MMS22L: variants seen among roughly 807,000 people sequenced by gnomAD.
The protein encoded by MMS22L is MMS22 like, DNA repair protein, also known as protein MMS22-like.
In MMS22L, 74 loss-of-function variants were observed where a neutral mutation model predicts 159.1. That is an observed-to-expected ratio of 0.47 (90% CI 0.39 to 0.56). The LOEUF (loss-of-function observed/expected upper bound fraction) is 0.56. Ranked by LOEUF, MMS22L falls within the 20% of genes least tolerant of loss-of-function variation. MMS22L has a pLI of 0.00. For synonymous variants in MMS22L, 517 were observed against 506.9 expected (o/e 1.02, Z -0.27); for missense variants, 1,351 against 1,422.1 (o/e 0.95, Z 0.80).
chr6:97,198,354 T>C (rs940664814), intron 14 of MMS22L, among the ~76,000 whole-genome samples: 1 of 152,118 alleles, frequency 6.6e-6, no homozygotes, highest in Non-Finnish European at 1.5e-5. Flanking sequence ...GACATTGAAT[T>C]AGAGTTACTT....
intron 14 of MMS22L, among the ~76,000 whole-genome samples, chr6:97,189,065 C>T (rs1341387048): frequency 6.6e-6 from 1 of 151,504 alleles, no homozygotes; most frequent in Non-Finnish European, 1.5e-5. Flanking sequence ...TTTGAAGGGC[C>T]AGGAGCAACA....
chr6:97,186,703 A>G lies in MMS22L; in HGVS notation c.2040-13T>C, dbSNP rs1805279322. On this transcript the variant is annotated splice_polypyrimidine_tract_variant and intron_variant, in intron 14 of 24. Coordinates refer to ENST00000683635, the MANE Select transcript of MMS22L (RefSeq NM_001350599.2). ...TTGATGCATACTCCTAAAAAGAAATAAAAATACAGCTAACACCCTTAATAA... is the reference window on the plus strand; with the variant it reads ...TTGATGCATACTCCTAAAAAGAAATGAAAATACAGCTAACACCCTTAATAA... 12 of 1,498,736 alleles carry G rather than the reference A, an allele frequency of 8.0e-6. No individual in the cohort carries two copies. Among genetic ancestry groups the G allele is most frequent in the Admixed American group, 7.0e-5 (3 of 43,118 alleles). The allele number at this position is 1,498,736 out of a possible 1,614,324, so 92.8% of individuals were successfully genotyped here.
chr6:97,183,722 T>C (rs1804947209), intron 15 of MMS22L, among the ~76,000 whole-genome samples: 1 of 152,172 alleles, frequency 6.6e-6, no homozygotes, highest in Non-Finnish European at 1.5e-5. Flanking sequence ...GGCTCACTTA[T>C]TCTGCCTTCT....
intron 16 of MMS22L, among the ~76,000 whole-genome samples, chr6:97,180,822 A>T (rs756525519): frequency 6.6e-6 from 1 of 152,216 alleles, no homozygotes; most frequent in African/African-American, 2.4e-5. Flanking sequence ...TTACCTTACA[A>T]CTGAAAGCCC....
rs143686356 is a variant in MMS22L, at chr6:97,189,468, G to A, written c.2040-2778C>T. 2.3e-4 allele frequency among the ~76,000 whole-genome samples: 34 copies of A among 145,328 alleles called. No homozygotes were observed. The East Asian group carries it at 6.5e-3, about 28-fold the overall frequency. On this transcript the variant is annotated intron_variant, in intron 14 of 24. Coordinates refer to ENST00000683635, the MANE Select transcript of MMS22L (RefSeq NM_001350599.2). The stretch of plus-strand genomic sequence containing the variant: ...CCTAGCTTCTTGGGAGGCTTAGGCT[G>A]GAGGATTGCTTGAGGCAGAGGTTGC...
intron 14 of MMS22L, among the ~76,000 whole-genome samples, chr6:97,187,257 C>T (rs924845134): frequency 2.6e-5 from 4 of 152,088 alleles, no homozygotes; most frequent in Admixed American, 2.0e-4. Flanking sequence ...TAACAAGTTG[C>T]TCTTCATAAA....
chr6:97,251,696 G>T (rs564171609), intron 10 of MMS22L, among the ~76,000 whole-genome samples: 1 of 152,068 alleles, frequency 6.6e-6, no homozygotes, highest in African/African-American at 2.4e-5. Flanking sequence ...ATTAAAAGAC[G>T]CAAGTTAAGC....
intron 10 of MMS22L, 111 bp from the exon 11 acceptor site, chr6:97,246,801 A>G: frequency 3.0e-6 from 2 of 662,152 alleles, no homozygotes; most frequent in Non-Finnish European, 5.0e-6. Flanking sequence ...ATCATTCAGC[A>G]TCAATGTGAT....
In MMS22L at chr6:97,149,986, A is replaced by C; in HGVS notation, c.3517T>G (p.Tyr1173Asp). 6.2e-7 allele frequency: 1 copy of C among 1,613,622 alleles called. No individual in the cohort carries two copies. Among genetic ancestry groups the C allele is most frequent in the Non-Finnish European group, 8.5e-7 (1 of 1,179,724 alleles). Residue 1173 changes from tyrosine to aspartate, a missense_variant, in exon 24 of 25, where the codon TAC becomes GAC. Physicochemically the swap from Tyr to Asp is radical, Grantham distance 160 (BLOSUM62 -3). Transcript: ENST00000683635. ...GTTTCTAAAATGCTGTAAACCTGGT[A>C]ATAGTACCTCATACCATAATCCTGG... ...FIQDYGMRYY[Y>D]QVYSILETVA... is the part of the protein sequence containing the mutation.
chr6:97,192,789 G>A (rs1806032633), intron 14 of MMS22L, among the ~76,000 whole-genome samples: 1 of 152,148 alleles, frequency 6.6e-6, no homozygotes, highest in African/African-American at 2.4e-5. Context: ...GATAATATAT[G>A]TACTAGCCCT....
At chr6:97,252,123 G>A (rs1037433933) in intron 10 of MMS22L, among the ~76,000 whole-genome samples, 2 of 150,966 alleles carry the variant, frequency 1.3e-5, no homozygotes, top group Admixed American at 6.6e-5. Context: ...CTTCAGCACT[G>A]CAACCATAGG....
At chr6:97,181,483 T>A (rs566977411) in intron 16 of MMS22L, among the ~76,000 whole-genome samples, 2 of 152,124 alleles carry the variant, frequency 1.3e-5, no homozygotes, top group Non-Finnish European at 2.9e-5. Context: ...ACTCATGATC[T>A]CATGAGTTAA....
At position 97,165,313 on chromosome 6, in the gene MMS22L, C is replaced by A; in HGVS notation, c.3154G>T (p.Ala1052Ser). 1 of 1,613,280 alleles carries A rather than the reference C, an allele frequency of 6.2e-7. No homozygotes were observed. The highest frequency in any genetic ancestry group is 8.5e-7 in the Non-Finnish European group (1 of 1,179,618). ...GGAATAGTGGCTGTGTTTCTCAATG[C>A]CAGCAAAACAGGATGTTGTCCAAGA... ...SDLGQHPVLL[A>S]LRNTATIPPI... The change falls in exon 21 of 25, where the codon GCA (alanine) becomes TCA (serine). Residue 1052 changes from alanine (A) to serine (S), a missense_variant. Ala to Ser is a moderately conservative substitution (Grantham distance 99). Coordinates refer to ENST00000683635, the MANE Select transcript of MMS22L (RefSeq NM_001350599.2).
At chr6:97,276,863 C>G (rs1327031945) in intron 4 of MMS22L, among the ~76,000 whole-genome samples, 8 of 152,182 alleles carry the variant, frequency 5.3e-5, no homozygotes, top group Non-Finnish European at 1.0e-4. Flanking sequence ...ATTTACCAAG[C>G]TGATGTATGC....
chr6:97,187,446 T>A (rs1805368321), intron 14 of MMS22L, among the ~76,000 whole-genome samples: 1 of 152,208 alleles, frequency 6.6e-6, no homozygotes, highest in Admixed American at 6.5e-5. Flanking sequence ...AGAAGGCATT[T>A]ATGTTGTGCA....
chr6:97,269,496 T>C (rs557041901), intron 7 of MMS22L, among the ~76,000 whole-genome samples: 20 of 152,284 alleles, frequency 1.3e-4, no homozygotes, highest in African/African-American at 4.8e-4. Flanking sequence ...GTAACTTCAA[T>C]GTTTAAAAAT....
intron 9 of MMS22L, chr6:97,261,034 T>C (rs1298776227): frequency 1.3e-5 from 2 of 152,196 alleles, no homozygotes; most frequent in African/African-American, 4.8e-5. Flanking sequence ...TGGACACTTT[T>C]ATGTTTCTTT....
intron 22 of MMS22L, among the ~76,000 whole-genome samples, chr6:97,152,658 G>T (rs1801428569): frequency 6.6e-6 from 1 of 152,048 alleles, no homozygotes; most frequent in African/African-American, 2.4e-5. Flanking sequence ...TGAACATAAT[G>T]AATATTAGGT....
chr6:97,199,700 T>G (rs537231808), intron 14 of MMS22L, among the ~76,000 whole-genome samples: 1 of 147,128 alleles, frequency 6.8e-6, no homozygotes, highest in African/African-American at 2.5e-5. Flanking sequence ...TAGTGACTTG[T>G]TTTTTTTTTT....
Sources: gnomAD v4.1 joint callset for allele counts (sites outside exome capture counted in the v4.1 genomes callset) on GRCh38, gnomAD v4.1.1 for gene constraint, MANE v1.5 for transcripts, NCBI Gene and HGNC (gene_info 2026-07-23, HGNC 2026-07-21) for gene names.